The following GABRA5 variants were observed in gnomAD, a reference collection of about 807,000 sequenced individuals.
GABRA5 encodes the protein gamma-aminobutyric acid receptor subunit alpha-5.
Under a neutral mutation model 47.3 loss-of-function variants are expected in GABRA5, and 18 were observed. That is an observed-to-expected ratio of 0.38 (90% CI 0.26 to 0.56). The LOEUF (loss-of-function observed/expected upper bound fraction) is 0.56, where lower values mean the gene tolerates loss of function less well. Ranked by LOEUF, GABRA5 falls within the 20% of genes least tolerant of loss-of-function variation. The probability of loss-of-function intolerance (pLI) is 0.71; values close to 1 mark genes in which losing one functional copy is unlikely to be tolerated. For synonymous variants in GABRA5, 237 were observed against 229.3 expected (o/e 1.03, Z -0.30); for missense variants, 365 against 599.3 (o/e 0.61, Z 4.08).
At chr15:26,932,932 A>G (rs1446181187) in intron 7 of GABRA5, among the ~76,000 whole-genome samples, 1 of 152,088 alleles carries the variant, frequency 6.6e-6, no homozygotes, top group Non-Finnish European at 1.5e-5. Flanking sequence ...AATAACACAC[A>G]CTGAGGCCTG....
At chr15:26,897,758 C>T (rs995927999) in intron 6 of GABRA5, among the ~76,000 whole-genome samples, 2 of 152,164 alleles carry the variant, frequency 1.3e-5, no homozygotes, top group African/African-American at 2.4e-5. Flanking sequence ...ATTCCTCCAT[C>T]ACAAGTCTCT....
Position 26,937,215 on chromosome 15 carries a change from T to A in GABRA5, c.611T>A (p.Val204Asp). 1 of 1,613,996 alleles carries A rather than the reference T, an allele frequency of 6.2e-7. No individual in the cohort carries two copies. The highest frequency in any genetic ancestry group is 8.5e-7 in the Non-Finnish European group (1 of 1,179,890). Residue 204 changes from valine to aspartate, a missense_variant, in exon 8 of 11, where the codon GTC becomes GAC. Around this residue, in one of 3 missense-constraint regions of GABRA5, gnomAD observed 216 missense variants for 335.3 expected, o/e 0.64. Coordinates refer to ENST00000335625, the MANE Select transcript of GABRA5 (RefSeq NM_000810.4). The stretch of plus-strand genomic sequence containing the variant: ...TACCCTAATTCTGAAGTCGTTTACG[T>A]CTGGACCAACGGCTCCACCAAGTCG... ...YAYPNSEVVY[V>D]WTNGSTKSVV...
intron 3 of GABRA5, among the ~76,000 whole-genome samples, chr15:26,870,936 A>C (rs1892454066): frequency 6.6e-6 from 1 of 152,214 alleles, no homozygotes; most frequent in Non-Finnish European, 1.5e-5. Context: ...TCATGCTTGT[A>C]ATCCCAGCAC....
chr15:26,889,195 C>T (rs965789165), intron 6 of GABRA5, among the ~76,000 whole-genome samples: 4 of 152,238 alleles, frequency 2.6e-5, no homozygotes, highest in Non-Finnish European at 4.4e-5. Context: ...TTACACTCCA[C>T]TCCATTTGGA....
chr15:26,947,783 T>C, intron 10 of GABRA5, 151 bp from the exon 11 acceptor site: 1 of 655,218 alleles, frequency 1.5e-6, no homozygotes, highest in Non-Finnish European at 2.7e-6. Context: ...GTGCCCTGTC[T>C]GCAGGCTACC....
At chr15:26,922,466 A>G (rs564065991) in intron 7 of GABRA5, among the ~76,000 whole-genome samples, 2 of 152,294 alleles carry the variant, frequency 1.3e-5, no homozygotes, top group East Asian at 3.9e-4. Flanking sequence ...TCATTAGATA[A>G]AAAGTGAGTT....
intron 8 of GABRA5, chr15:26,939,538 G>A: frequency 1.5e-6 from 1 of 658,268 alleles, no homozygotes; most frequent in Admixed American, 2.2e-5. Flanking sequence ...GAAGGACTCT[G>A]TCCACCCTCT....
At chr15:26,894,888 C>T (rs1193205894) in intron 6 of GABRA5, among the ~76,000 whole-genome samples, 1 of 151,900 alleles carries the variant, frequency 6.6e-6, no homozygotes, top group Non-Finnish European at 1.5e-5. Context: ...CATTTGTTTC[C>T]GTGGGTCCGA....
rs1342087870 is a variant in GABRA5 at position 26,911,367 on chromosome 15, GCATGCACACACA to G, written c.498-3433_498-3422del. On this transcript the variant is annotated intron_variant, in intron 6 of 10. Transcript: ENST00000335625. The stretch of plus-strand genomic sequence containing the variant: ...TACCCTCCCTGCCCCCACCCTTGCT[GCATGCACACACA>G]CACACACACACACACACAAACACAC... 2.0e-3 allele frequency among the ~76,000 whole-genome samples: 242 copies of G among 122,848 alleles called. 1 individual carries two copies. The highest frequency in any genetic ancestry group is 2.5e-3 in the Non-Finnish European group (147 of 58,092). The allele number at this position is 122,848 out of a possible 152,430, so 80.6% of individuals were successfully genotyped here. A position where few individuals can be genotyped will look rare whatever the true frequency, so the allele number is the denominator to read the frequency against.
rs771268313 is a variant in GABRA5, at chr15:26,948,424, T to C, written c.*191T>C. The C allele has an allele frequency of 6.7e-6, 4 of 595,160 alleles. No homozygotes were observed. The highest frequency in any genetic ancestry group is 1.2e-5 in the Non-Finnish European group (4 of 343,152). The allele number at this position is 595,160 out of a possible 1,614,324, so 36.9% of individuals were successfully genotyped here. A position where few individuals can be genotyped will look rare whatever the true frequency, so the allele number is the denominator to read the frequency against. ...CTTCAGATGTTTCCAAGATGTCCCATTGATAATTCGAGCAAACAACTTTCT... is the reference window on the plus strand; with the variant it reads ...CTTCAGATGTTTCCAAGATGTCCCACTGATAATTCGAGCAAACAACTTTCT... On this transcript the variant is annotated 3_prime_UTR_variant, in exon 11 of 11. Coordinates refer to ENST00000335625, the MANE Select transcript of GABRA5 (RefSeq NM_000810.4).
chr15:26,948,235 C>T lies in GABRA5; in HGVS notation c.*2C>T, dbSNP rs2229943. On this transcript the variant is annotated 3_prime_UTR_variant, in exon 11 of 11. Coordinates refer to ENST00000335625, the MANE Select transcript of GABRA5 (RefSeq NM_000810.4). Reference sequence around the variant, plus strand: ...AAAGGAGCCGCCTCTCCAAAATAACCGGCCACACTCCCAAACTCCAAGACA... The same window carrying T: ...AAAGGAGCCGCCTCTCCAAAATAACTGGCCACACTCCCAAACTCCAAGACA... 118 of 1,609,178 alleles carry T rather than the reference C, an allele frequency of 7.3e-5. No individual in the cohort carries two copies. In the African/African-American group the frequency reaches 1.2e-3, roughly 16 times the overall value.
At chr15:26,889,728 CA>C (rs1441334797) in intron 6 of GABRA5, among the ~76,000 whole-genome samples, 23 of 152,126 alleles carry the variant, frequency 1.5e-4, no homozygotes, top group African/African-American at 5.6e-4. Flanking sequence ...TAAGGTAACA[CA>C]TTTTATATTG....
intron 6 of GABRA5, among the ~76,000 whole-genome samples, chr15:26,902,649 T>C (rs1893354645): frequency 6.6e-6 from 1 of 152,120 alleles, no homozygotes; most frequent in African/African-American, 2.4e-5. Context: ...ACTTGTCTTA[T>C]TACATTAGCT....
At position 26,947,999 on chromosome 15, in the gene GABRA5, C is replaced by T. The variant is rs773455093; in HGVS notation, c.1155C>T (p.Pro385=). 124 of 1,599,268 alleles carry T rather than the reference C, an allele frequency of 7.8e-5. 2 individuals are homozygous for T. In the South Asian group the frequency reaches 1.2e-3, roughly 16 times the overall value. Residue 385 remains proline (P), a synonymous_variant, in exon 11 of 11, where the codon CCC becomes CCT. Transcript: ENST00000335625. ...NAFTTGKMSH[P]PNIPKEQTPA... ...TTACAACTGGGAAGATGTCTCACCC[C>T]CCAAACATTCCGAAGGAACAGACCC...
intron 7 of GABRA5, among the ~76,000 whole-genome samples, chr15:26,934,597 C>T (rs538370104): frequency 6.6e-6 from 1 of 152,080 alleles, no homozygotes; most frequent in African/African-American, 2.4e-5. Context: ...GAGTCAGGTG[C>T]GTGCTAAATA....
At chr15:26,875,172 A>C (rs1264409894) in intron 3 of GABRA5, among the ~76,000 whole-genome samples, 1 of 152,210 alleles carries the variant, frequency 6.6e-6, no homozygotes, top group Non-Finnish European at 1.5e-5. Context: ...TGCTAAGTGC[A>C]CCAAGCCATT....
chr15:26,914,874 A>G lies in GABRA5; in HGVS notation c.569A>G (p.Lys190Arg). 1 of 1,613,850 alleles carries G rather than the reference A, an allele frequency of 6.2e-7. No individual in the cohort carries two copies. Among genetic ancestry groups the G allele is most frequent in the Non-Finnish European group, 8.5e-7 (1 of 1,179,778 alleles). Reference protein sequence around the residue: ...FPMDAHACPLKFGSYAYPNSE... With the variant: ...FPMDAHACPLRFGSYAYPNSE... Reference sequence around the variant, plus strand: ...ATGGATGCGCACGCTTGCCCTCTGAAATTTGGCAGCTGTAAGTTATTTTCA... The same window carrying G: ...ATGGATGCGCACGCTTGCCCTCTGAGATTTGGCAGCTGTAAGTTATTTTCA... The change falls in exon 7 of 11, where the codon AAA (lysine) becomes AGA (arginine). Residue 190 changes from lysine to arginine, a missense_variant. Lys to Arg is a conservative substitution (Grantham distance 26). Around this residue, in one of 3 missense-constraint regions of GABRA5, gnomAD observed 216 missense variants for 335.3 expected, o/e 0.64. Transcript: ENST00000335625.
chr15:26,868,153 T>A (rs1180783757), intron 1 of GABRA5: 1 of 151,758 alleles, frequency 6.6e-6, no homozygotes, highest in African/African-American at 2.4e-5. Flanking sequence ...CTCCTGGGGG[T>A]CCCTGGCTCG....
chr15:26,895,436 C>T (rs758217173), intron 6 of GABRA5, among the ~76,000 whole-genome samples: 38 of 152,096 alleles, frequency 2.5e-4, no homozygotes, highest in Non-Finnish European at 4.9e-4. Flanking sequence ...AACTCCGTCA[C>T]TAACAGTGTG....
Sources: gnomAD v4.1 joint callset for allele counts (sites outside exome capture counted in the v4.1 genomes callset) on GRCh38, gnomAD v4.1.1 for gene constraint, gnomAD v4.1.1 regional missense constraint, MANE v1.5 for transcripts, NCBI Gene and HGNC (gene_info 2026-07-23, HGNC 2026-07-21) for gene names.